The following RBPMS2 variants were observed in gnomAD, a reference collection of about 807,000 sequenced individuals.
The protein encoded by RBPMS2 is RNA binding protein, mRNA processing factor 2.
Under a neutral mutation model 25.7 loss-of-function variants are expected in RBPMS2, and 14 were observed. The observed-to-expected ratio is 0.55, with a 90% CI of 0.36 to 0.85. The LOEUF (loss-of-function observed/expected upper bound fraction) is 0.85. Among genes scored for constraint, RBPMS2 ranks in the 40% least tolerant of loss-of-function variants. The pLI is 0.01. For synonymous variants in RBPMS2, 127 were observed against 115.6 expected (o/e 1.10, Z -0.63); for missense variants, 252 against 283.4 (o/e 0.89, Z 0.80).
chr15:64,773,474 C>A (rs1227022815), intron 1 of RBPMS2, among the ~76,000 whole-genome samples: 1 of 152,242 alleles, frequency 6.6e-6, no homozygotes, highest in African/African-American at 2.4e-5. Context: ...CAGGCCATCT[C>A]AACTCCCAAG....
In RBPMS2 at chr15:64,770,946, GC is replaced by G. The variant is rs577361437; in HGVS notation, c.87+4286del. On this transcript the variant is annotated intron_variant, in intron 1 of 7. Transcript: ENST00000300069. ...TAGGATACCAGGCCTGCAAGCAGCA[GC>G]CCTGTCCCAGCCACACTGGGATGAG... is the stretch of plus-strand genomic sequence containing the variant. 3.3e-5 allele frequency among the ~76,000 whole-genome samples: 5 copies of G among 152,326 alleles called. No homozygotes were observed. In the South Asian group the frequency reaches 1.0e-3, roughly 32 times the overall value.
chr15:64,760,991 A>T (rs2083778962), intron 1 of RBPMS2: 1 of 151,316 alleles, frequency 6.6e-6, no homozygotes, highest in Admixed American at 6.6e-5. Context: ...TGGAGAAAAG[A>T]CACCCCAGGA....
intron 1 of RBPMS2, chr15:64,762,506 T>G (rs1282609376): frequency 1.9e-6 from 1 of 534,718 alleles, no homozygotes; most frequent in Non-Finnish European, 3.8e-6. Flanking sequence ...CGCACCCAGA[T>G]CTGATCTGGC....
intron 1 of RBPMS2, among the ~76,000 whole-genome samples, chr15:64,752,410 C>T (rs969962855): frequency 1.3e-5 from 2 of 152,020 alleles, no homozygotes; most frequent in African/African-American, 4.8e-5. Context: ...GGCACTTTCT[C>T]ATCCATCTCC....
chr15:64,753,940 G>A (rs1034587499), intron 1 of RBPMS2, among the ~76,000 whole-genome samples: 2 of 152,132 alleles, frequency 1.3e-5, no homozygotes, highest in Admixed American at 1.3e-4. Flanking sequence ...TGAGGTGTGC[G>A]TGTGAATCCC....
chr15:64,765,934 A>C (rs1473632534), intron 1 of RBPMS2, among the ~76,000 whole-genome samples: 1 of 151,786 alleles, frequency 6.6e-6, no homozygotes, highest in East Asian at 1.9e-4. Flanking sequence ...CGGAGGTTGC[A>C]GTGAGCTAAG....
chr15:64,775,276 C>T lies in RBPMS2; in HGVS notation c.44G>A (p.Gly15Asp). The change falls in exon 1 of 8, where the codon GGC becomes GAC. Residue 15 changes from glycine (G) to aspartate (D), a missense_variant. Physicochemically the swap from Gly to Asp is moderately conservative, Grantham distance 94 (BLOSUM62 -1). Coordinates refer to ENST00000300069, the MANE Select transcript of RBPMS2 (RefSeq NM_194272.3). ...KPDGEHGGST[G>D]TGSGAGSGGA... is the part of the protein sequence containing the mutation. ...GCCGGAGCCCGCGCCGGAGCCGGTG[C>T]CGGTGCTGCCGCCGTGCTCGCCGTC... 2 of 1,350,566 alleles carry T rather than the reference C, an allele frequency of 1.5e-6. No homozygotes were observed. The highest frequency in any genetic ancestry group is 1.9e-6 in the Non-Finnish European group (2 of 1,044,484). 83.7% of individuals were successfully genotyped at this position (1,350,566 alleles called of 1,614,324 possible).
In RBPMS2 at chr15:64,770,040, G is replaced by A. The variant is rs143154360; in HGVS notation, c.87+5193C>T. ...CTAAAAATATAAAAATTAGCTGGCCGTAGTGGTGCGCGCCTGTAATCCCAG... is the reference window on the plus strand; with the variant it reads ...CTAAAAATATAAAAATTAGCTGGCCATAGTGGTGCGCGCCTGTAATCCCAG... On this transcript the variant is annotated intron_variant, in intron 1 of 7. Coordinates refer to ENST00000300069, the MANE Select transcript of RBPMS2 (RefSeq NM_194272.3). Among the ~76,000 whole-genome samples, 539 of 152,216 alleles carry A rather than the reference G, an allele frequency of 3.5e-3. 2 individuals are homozygous for A. The highest frequency in any genetic ancestry group is 6.0e-3 in the Non-Finnish European group (410 of 68,000).
chr15:64,750,521 T>TCCGCCACTGCCAAACGTCCA, intron 2 of RBPMS2, 140 bp from the exon 3 acceptor site: 1 of 756,574 alleles, frequency 1.3e-6, no homozygotes, highest in Non-Finnish European at 2.3e-6. Context: ...CACCCTGACC[T>TCCGCCACTGCCAAACGTCCA]CCGCCACTGC....
Position 64,744,316 on chromosome 15 carries a change from T to C in RBPMS2, c.568-3074A>G, listed in dbSNP as rs546231840. On this transcript the variant is annotated intron_variant, in intron 6 of 7. Transcript: ENST00000300069. ...GCTCATGCCTGTAATCCCAGCACTT[T>C]GGGAGGCCGAGGCGGACGGATCACC... Among the ~76,000 whole-genome samples, 3 of 151,986 alleles carry C rather than the reference T, an allele frequency of 2.0e-5. No individual in the cohort carries two copies. The South Asian group carries it at 6.2e-4, about 32-fold the overall frequency.
chr15:64,764,662 T>C (rs2083825072), intron 1 of RBPMS2, among the ~76,000 whole-genome samples: 1 of 152,148 alleles, frequency 6.6e-6, no homozygotes, highest in Non-Finnish European at 1.5e-5. Context: ...ACGCCTGTTA[T>C]CCCAGCACTT....
At chr15:64,769,919 G>A (rs56100437) in intron 1 of RBPMS2, among the ~76,000 whole-genome samples, 7,360 of 152,036 alleles carry the variant, frequency 0.048, 231 homozygotes, top group South Asian at 0.088. Context: ...GGTGGCTCAC[G>A]CCTGTAATCC....
intron 6 of RBPMS2, among the ~76,000 whole-genome samples, chr15:64,746,835 T>C (rs1001516278): frequency 2.6e-5 from 4 of 152,226 alleles, no homozygotes; most frequent in South Asian, 2.1e-4. Context: ...GTGAGGATCA[T>C]GTAGCCAATT....
intron 1 of RBPMS2, among the ~76,000 whole-genome samples, chr15:64,769,440 AAG>A (rs1555431620): frequency 1.3e-5 from 2 of 150,288 alleles, no homozygotes; most frequent in African/African-American, 2.4e-5. Context: ...AAAAAAAAAA[AAG>A]AATTTAAAAA....
At chr15:64,774,378 C>G (rs770933282) in intron 1 of RBPMS2, among the ~76,000 whole-genome samples, 1 of 152,296 alleles carries the variant, frequency 6.6e-6, no homozygotes, top group African/African-American at 2.4e-5. Context: ...TCCCTATTCA[C>G]TGATATCTTT....
chr15:64,743,508 C>T (rs1567062412), intron 6 of RBPMS2, among the ~76,000 whole-genome samples: 1 of 152,258 alleles, frequency 6.6e-6, no homozygotes, highest in Non-Finnish European at 1.5e-5. Flanking sequence ...GGCCAGTGGC[C>T]TGGGTCCTCT....
chr15:64,743,452 G>A (rs1402046816), intron 6 of RBPMS2, among the ~76,000 whole-genome samples: 1 of 152,270 alleles, frequency 6.6e-6, no homozygotes, highest in Non-Finnish European at 1.5e-5. Context: ...CAGACGGAAT[G>A]CATTTAGAAG....
chr15:64,750,406 G>A (rs754176590), intron 2 of RBPMS2, 25 bp from the exon 3 acceptor site: 11 of 1,609,904 alleles, frequency 6.8e-6, no homozygotes, highest in South Asian at 2.2e-5. Flanking sequence ...GGCTGTTACC[G>A]TGGAAGGTCA....
chr15:64,774,076 G>A (rs1595798175), intron 1 of RBPMS2, among the ~76,000 whole-genome samples: 1 of 152,226 alleles, frequency 6.6e-6, no homozygotes, highest in African/African-American at 2.4e-5. Flanking sequence ...AGTGGGAGCT[G>A]GCGGCGCTGA....
Sources: allele counts gnomAD v4.1 joint callset (sites outside exome capture counted in the v4.1 genomes callset), GRCh38; gene constraint gnomAD v4.1.1; transcripts MANE v1.5; gene names NCBI Gene and HGNC (gene_info 2026-07-23, HGNC 2026-07-21).